The following SSUH2 variants were observed in gnomAD, a reference collection of about 807,000 sequenced individuals.
SSUH2 encodes the protein protein SSUH2 homolog.
In SSUH2, 47 loss-of-function variants were observed where a neutral mutation model predicts 55.3. The ratio of observed to expected loss-of-function variants is 0.85; its 90% CI spans 0.67 to 1.08. The LOEUF (loss-of-function observed/expected upper bound fraction) is 1.08, where lower values mean the gene tolerates loss of function less well. Among genes scored for constraint, SSUH2 ranks in the 50% least tolerant of loss-of-function variants. The pLI is 0.00. For synonymous variants in SSUH2, 212 were observed against 191.5 expected (o/e 1.11, Z -0.89); for missense variants, 535 against 490.7 (o/e 1.09, Z -0.85).
At chr3:8,643,202 C>T (rs1411963688) in intron 1 of SSUH2, among the ~76,000 whole-genome samples, 6 of 152,168 alleles carry the variant, frequency 3.9e-5, no homozygotes, top group Middle Eastern at 6.8e-3. Flanking sequence ...TTGTAGCCAA[C>T]GAATCTTTGA....
At chr3:8,639,850 G>A (rs1199643916) in intron 1 of SSUH2, 3 of 603,568 alleles carry the variant, frequency 5.0e-6, no homozygotes, top group Non-Finnish European at 6.2e-6. Flanking sequence ...TTGGACAGGG[G>A]CCCCTGTCTC....
intron 1 of SSUH2, among the ~76,000 whole-genome samples, chr3:8,680,969 C>T (rs943282092): frequency 2.0e-5 from 3 of 151,486 alleles, no homozygotes; most frequent in African/African-American, 7.3e-5. Context: ...TCCTCTCCCC[C>T]TCTTCCCTCC....
At chr3:8,659,463 A>G (rs951537239) in intron 6 of SSUH2, 5 of 200,258 alleles carry the variant, frequency 2.5e-5, no homozygotes, top group Non-Finnish European at 4.0e-5. Flanking sequence ...CCCTGCCCAG[A>G]GCAGAGTGAG....
chr3:8,674,370 G>A (rs925934319), intron 3 of SSUH2, among the ~76,000 whole-genome samples: 2 of 152,188 alleles, frequency 1.3e-5, no homozygotes, highest in Admixed American at 6.5e-5. Context: ...CCCGGACAAG[G>A]AGGAAGGGGC....
rs1010996114 is a variant in SSUH2, at chr3:8,632,084, GATT to G, written c.362_364del (p.Glu121_Ser122delinsAla). ...TTGAAATGTCCACTCGCTTATCCTG[GATT>G]CACTAAAGGTCTCCAGACGGTACTA... is the stretch of plus-strand genomic sequence containing the variant. On this transcript the variant is annotated inframe_deletion, in exon 5 of 12. Transcript: ENST00000544814. 60 of 1,613,862 alleles carry G rather than the reference GATT, an allele frequency of 3.7e-5. No homozygotes were observed. Among genetic ancestry groups the G allele is most frequent in the Non-Finnish European group, 5.0e-5 (59 of 1,179,976 alleles).
intron 11 of SSUH2, among the ~76,000 whole-genome samples, chr3:8,620,726 G>C (rs768288975): frequency 1.2e-4 from 18 of 152,052 alleles, no homozygotes; most frequent in Non-Finnish European, 2.4e-4. Flanking sequence ...TTAATTTTTA[G>C]ATGGAGTGCT....
intron 5 of SSUH2, among the ~76,000 whole-genome samples, chr3:8,669,690 A>C (rs1704332304): frequency 1.3e-5 from 2 of 152,226 alleles, no homozygotes; most frequent in South Asian, 4.1e-4. Context: ...AGCAGAGAAG[A>C]GCACATCACC....
chr3:8,644,850 A>T, upstream of SSUH2: 5 of 1,071,986 alleles, frequency 4.7e-6, no homozygotes, highest in Non-Finnish European at 6.9e-6. Flanking sequence ...CTCCCAGAAC[A>T]GCAGGCCCAT....
chr3:8,681,342 TC>T (rs1705933422), intron 1 of SSUH2, among the ~76,000 whole-genome samples: 1 of 130,418 alleles, frequency 7.7e-6, no homozygotes, highest in African/African-American at 3.0e-5. Context: ...CCCCCGCGGC[TC>T]GGGGACTGAG....
At chr3:8,634,701 C>T in intron 3 of SSUH2, 1 of 704,838 alleles carries the variant, frequency 1.4e-6, no homozygotes, top group South Asian at 1.5e-5. Context: ...CTGGCAGCAG[C>T]AGGGCCAGAA....
In SSUH2 at chr3:8,642,480, A is replaced by G. The variant is rs370805070; in HGVS notation, c.28+2251T>C. Among the ~76,000 whole-genome samples the G allele has an allele frequency of 4.2e-4, 64 of 152,320 alleles. 3 individuals are homozygous for G. The South Asian group carries it at 8.9e-3, about 21-fold the overall frequency. Reference sequence around the variant, plus strand: ...AATTTTGGACAGTCTCGACTATAGAAATAGAACCAGACCATCACTGGAAGT... The same window carrying G: ...AATTTTGGACAGTCTCGACTATAGAGATAGAACCAGACCATCACTGGAAGT... On this transcript the variant is annotated intron_variant, in intron 1 of 11. Coordinates refer to ENST00000544814, the MANE Select transcript of SSUH2 (RefSeq NM_001256748.3).
chr3:8,651,681 CCA>C (rs1270109583), intron 7 of SSUH2, among the ~76,000 whole-genome samples: 27 of 152,280 alleles, frequency 1.8e-4, no homozygotes, highest in Non-Finnish European at 1.6e-4. Context: ...GCAGAGTCTC[CCA>C]TGAAGCCAAA....
At chr3:8,667,512 A>C (rs1356864912) in intron 5 of SSUH2, among the ~76,000 whole-genome samples, 1 of 152,270 alleles carries the variant, frequency 6.6e-6, no homozygotes, top group East Asian at 1.9e-4. Flanking sequence ...CTCCAATTCC[A>C]GTCTCACCCA....
intron 6 of SSUH2, among the ~76,000 whole-genome samples, chr3:8,661,556 A>G (rs542325334): frequency 3.3e-5 from 5 of 152,348 alleles, no homozygotes; most frequent in Admixed American, 2.0e-4. Context: ...TGCCTGTTTC[A>G]TGGATGCTGA....
At chr3:8,634,535 G>T in intron 3 of SSUH2, 1 of 1,289,764 alleles carries the variant, frequency 7.8e-7, no homozygotes, top group Non-Finnish European at 1.0e-6. Context: ...GCATCCTCCA[G>T]CCCTGGCACA....
chr3:8,668,622 G>A (rs1364620090), intron 5 of SSUH2, among the ~76,000 whole-genome samples: 2 of 152,194 alleles, frequency 1.3e-5, no homozygotes, highest in South Asian at 2.1e-4. Context: ...TAAACAAGCA[G>A]TGAGTACAAT....
In SSUH2 at chr3:8,635,912, G is replaced by A. The variant is rs529322861; in HGVS notation, c.29-55C>T. ...GGGTAGGGAGGCGAGGGCTGATGAG[G>A]GCTTCACAGGAAGTTGAGAAATTAG... is the stretch of plus-strand genomic sequence containing the variant. On this transcript the variant is annotated intron_variant, in intron 1 of 11. Transcript: ENST00000544814. 2.1e-6 allele frequency: 3 copies of A among 1,443,862 alleles called. No individual in the cohort carries two copies. In the African/African-American group the frequency reaches 4.3e-5, roughly 21 times the overall value. 89.4% of individuals were successfully genotyped at this position (1,443,862 alleles called of 1,614,324 possible). A position where few individuals can be genotyped will look rare whatever the true frequency, so the allele number is the denominator to read the frequency against.
At chr3:8,626,484 T>A (rs899485933) in intron 8 of SSUH2, among the ~76,000 whole-genome samples, 163 bp from the exon 9 acceptor site, 2 of 151,776 alleles carry the variant, frequency 1.3e-5, no homozygotes, top group Admixed American at 6.6e-5. Flanking sequence ...AGTGCCCCAA[T>A]ATCTCTATGG....
chr3:8,679,391 G>A (rs1186721642), intron 2 of SSUH2, among the ~76,000 whole-genome samples: 3 of 118,920 alleles, frequency 2.5e-5, no homozygotes, highest in Non-Finnish European at 5.7e-5. Flanking sequence ...CCAGGAGGAG[G>A]GGACTGAGAG....
Sources: allele counts gnomAD v4.1 joint callset (sites outside exome capture counted in the v4.1 genomes callset), GRCh38; gene constraint gnomAD v4.1.1; transcripts MANE v1.5; gene names NCBI Gene and HGNC (gene_info 2026-07-23, HGNC 2026-07-21).